The following VPS50 variants were observed in gnomAD, a reference collection of about 807,000 sequenced individuals.
The protein encoded by VPS50 is syndetin.
A neutral mutation model predicts 139.7 loss-of-function variants in VPS50; 70 were observed. The observed-to-expected ratio is 0.50, with a 90% CI of 0.41 to 0.61. VPS50 has a LOEUF of 0.61. VPS50 is among the 20% of genes least tolerant of loss of function. VPS50 has a pLI of 0.00. For synonymous variants in VPS50, 365 were observed against 376.7 expected, an observed-to-expected ratio of 0.97 and a Z score of 0.36; for missense variants, 921 against 1,133.7, an observed-to-expected ratio of 0.81 and a Z score of 2.69.
At chr7:93,305,328 A>G (rs1797084019) in intron 17 of VPS50, among the ~76,000 whole-genome samples, 1 of 151,892 alleles carries the variant, frequency 6.6e-6, no homozygotes, top group Non-Finnish European at 1.5e-5. Flanking sequence ...TTCTTGGTAT[A>G]TAGCGAAAAG....
At chr7:93,346,107 G>T (rs1798384771) in intron 23 of VPS50, among the ~76,000 whole-genome samples, 2 of 152,140 alleles carry the variant, frequency 1.3e-5, no homozygotes, top group Admixed American at 6.5e-5. Flanking sequence ...ATCTCCTTAA[G>T]CTGATAAGCA....
intron 26 of VPS50, 61 bp from the exon 27 acceptor site, chr7:93,355,830 T>C (rs1798690590): frequency 6.0e-6 from 6 of 1,003,272 alleles, no homozygotes; most frequent in South Asian, 5.8e-5. Context: ...TTCAAATACC[T>C]GACAGTTTTT....
At chr7:93,332,919 A>G (rs1309134454) in intron 21 of VPS50, among the ~76,000 whole-genome samples, 1 of 152,206 alleles carries the variant, frequency 6.6e-6, no homozygotes, top group Non-Finnish European at 1.5e-5. Context: ...AGAAAAGGCA[A>G]AAACTACAGT....
intron 2 of VPS50, among the ~76,000 whole-genome samples, chr7:93,249,715 C>T (rs968171512): frequency 6.6e-6 from 1 of 152,114 alleles, no homozygotes; most frequent in Non-Finnish European, 1.5e-5. Flanking sequence ...GCCTCATTTC[C>T]TCCCCTCCCT....
At chr7:93,264,684 T>C (rs1795787465) in intron 9 of VPS50, among the ~76,000 whole-genome samples, 2 of 152,244 alleles carry the variant, frequency 1.3e-5, no homozygotes, top group Non-Finnish European at 2.9e-5. Flanking sequence ...TTACGTCATA[T>C]GGCAAATGAA....
At chr7:93,259,249 TTTCC>T (rs1436989734) in intron 8 of VPS50, among the ~76,000 whole-genome samples, 1 of 152,052 alleles carries the variant, frequency 6.6e-6, no homozygotes, top group Non-Finnish European at 1.5e-5. Flanking sequence ...AAAGAAAACC[TTTCC>T]TGTGAAGCAG....
intron 21 of VPS50, among the ~76,000 whole-genome samples, chr7:93,332,087 G>A (rs977067255): frequency 6.6e-6 from 1 of 152,198 alleles, no homozygotes; most frequent in Non-Finnish European, 1.5e-5. Flanking sequence ...CAAGTTTGTG[G>A]AGCCTTAGTC....
At chr7:93,302,782 T>A (rs1282787871) in intron 16 of VPS50, among the ~76,000 whole-genome samples, 1 of 152,050 alleles carries the variant, frequency 6.6e-6, no homozygotes, top group Non-Finnish European at 1.5e-5. Context: ...CTGGCCCTTT[T>A]GTCAACTGAA....
chr7:93,347,947 G>A (rs942379306), intron 23 of VPS50, among the ~76,000 whole-genome samples: 2 of 151,098 alleles, frequency 1.3e-5, no homozygotes, highest in African/African-American at 4.9e-5. Context: ...TGCACATTGT[G>A]CACATGTACC....
At chr7:93,260,795 A>G (rs1220939046) in intron 9 of VPS50, among the ~76,000 whole-genome samples, 1 of 152,134 alleles carries the variant, frequency 6.6e-6, no homozygotes, top group Non-Finnish European at 1.5e-5. Context: ...TCCTGGGTTC[A>G]AGCGATTCTC....
chr7:93,355,649 A>G (rs1562903626), intron 26 of VPS50, among the ~76,000 whole-genome samples: 1 of 152,306 alleles, frequency 6.6e-6, no homozygotes, highest in African/African-American at 2.4e-5. Flanking sequence ...TAGAACAACA[A>G]AGAGACTTGA....
chr7:93,305,916 T>C lies in VPS50; in HGVS notation c.1541T>C (p.Phe514Ser), dbSNP rs755983691. The C allele has an allele frequency of 7.4e-6, 12 of 1,611,776 alleles. No individual in the cohort carries two copies. Among genetic ancestry groups the C allele is most frequent in the Non-Finnish European group, 1.0e-5 (12 of 1,178,198 alleles). ...ACTTCTTCAAAAACAGTGACCTTGT[T>C]TGAGCAGTACTGTAGTGGTGGGAAT... ...VSTSSKTVTL[F>S]EQYCSGGNPF... Residue 514 changes from phenylalanine to serine, a missense_variant, in exon 18 of 28, where the codon TTT becomes TCT. Around this residue, in one of 3 missense-constraint regions of VPS50, gnomAD observed 744 missense variants for 930.6 expected, o/e 0.80. Coordinates refer to ENST00000305866, the MANE Select transcript of VPS50 (RefSeq NM_017667.4).
intron 10 of VPS50, among the ~76,000 whole-genome samples, chr7:93,272,375 C>T (rs1360760670): frequency 6.6e-6 from 1 of 151,724 alleles, no homozygotes; most frequent in Non-Finnish European, 1.5e-5. Context: ...TATTTTGTTT[C>T]CTGTAAAACA....
At chr7:93,307,106 A>G (rs1247465280) in intron 18 of VPS50, among the ~76,000 whole-genome samples, 1 of 151,948 alleles carries the variant, frequency 6.6e-6, no homozygotes, top group South Asian at 2.1e-4. Context: ...AGTGTGTTCT[A>G]TAAAGTTGCT....
intron 23 of VPS50, among the ~76,000 whole-genome samples, chr7:93,342,921 A>G (rs192308329): frequency 5.9e-5 from 9 of 152,354 alleles, no homozygotes; most frequent in Admixed American, 4.6e-4. Context: ...TAAAAAGCAC[A>G]GCACCTCTCC....
At chr7:93,317,304 C>T (rs1797456460) in intron 20 of VPS50, among the ~76,000 whole-genome samples, 2 of 152,174 alleles carry the variant, frequency 1.3e-5, no homozygotes, top group Admixed American at 1.3e-4. Context: ...AATCCCAGCA[C>T]TTTGGGAGGC....
Position 93,360,674 on chromosome 7 carries a change from G to C in VPS50, c.*2238G>C, listed in dbSNP as rs1227436954. The C allele has an allele frequency of 1.3e-5, 2 of 152,088 alleles. No homozygotes were observed. Among genetic ancestry groups the C allele is most frequent in the Non-Finnish European group, 2.9e-5 (2 of 67,956 alleles). The allele number at this position is 152,088 out of a possible 1,614,324, so 9.4% of individuals were successfully genotyped here. ...TCATTACCAAAAATTTATTATTTTT[G>C]AGTCTAAACTTTCCTTAACTTTGAC... On this transcript the variant is annotated 3_prime_UTR_variant, in exon 28 of 28. Coordinates refer to ENST00000305866, the MANE Select transcript of VPS50 (RefSeq NM_017667.4).
intron 12 of VPS50, among the ~76,000 whole-genome samples, chr7:93,290,701 T>A (rs993708870): frequency 6.6e-6 from 1 of 152,044 alleles, no homozygotes; most frequent in African/African-American, 2.4e-5. Context: ...TTCAAAGATT[T>A]GATATACTTA....
chr7:93,292,149 GGTCT>G (rs1244032486), intron 13 of VPS50, among the ~76,000 whole-genome samples: 2 of 151,940 alleles, frequency 1.3e-5, no homozygotes, highest in Non-Finnish European at 2.9e-5. Flanking sequence ...ATAAGACATT[GGTCT>G]GTCTAAGTTT....
Sources: allele counts gnomAD v4.1 joint callset (sites outside exome capture counted in the v4.1 genomes callset), GRCh38; gene constraint gnomAD v4.1.1; regional missense constraint gnomAD v4.1.1; transcripts MANE v1.5; gene names NCBI Gene and HGNC (gene_info 2026-07-23, HGNC 2026-07-21).